Variants in LCORL observed in about 807,000 individuals in gnomAD.
LCORL encodes ligand dependent nuclear receptor corepressor like, also known as ligand-dependent nuclear receptor corepressor-like protein.
In LCORL, 41 loss-of-function variants were observed where a neutral mutation model predicts 141.8. The ratio of observed to expected loss-of-function variants is 0.29; its 90% CI spans 0.23 to 0.38. The LOEUF is 0.38. Among genes scored for constraint, LCORL ranks in the 10% least tolerant of loss-of-function variants. The pLI, the probability that LCORL is intolerant of heterozygous loss-of-function variation, is 1.00. For missense variants in LCORL, 1,759 were observed against 2,035.0 expected, an observed-to-expected ratio of 0.86 and a Z score of 2.61; for synonymous variants, 618 against 694.1, an observed-to-expected ratio of 0.89 and a Z score of 1.72.
chr4:17,841,668 A>ATTGTT (rs1401047180), exon 8 of LCORL: 1 of 151,906 alleles, frequency 6.6e-6, no homozygotes, highest in African/African-American at 2.4e-5. Flanking sequence ...ATATATTCAT[A>ATTGTT]TTGTTTTATT....
intron 2 of LCORL, among the ~76,000 whole-genome samples, chr4:17,968,258 A>G (rs1715303976): frequency 6.6e-6 from 1 of 152,084 alleles, no homozygotes; most frequent in African/African-American, 2.4e-5. Flanking sequence ...CAACTTAAAC[A>G]TACATATGTG....
chr4:17,878,809 A>G (rs565165519), intron 6 of LCORL, among the ~76,000 whole-genome samples: 35 of 151,446 alleles, frequency 2.3e-4, no homozygotes, highest in African/African-American at 8.0e-4. Context: ...GTTAAATACT[A>G]AAGTAATTTC....
At chr4:17,911,089 A>G (rs1732445419) in intron 4 of LCORL, among the ~76,000 whole-genome samples, 1 of 152,182 alleles carries the variant, frequency 6.6e-6, no homozygotes, top group Non-Finnish European at 1.5e-5. Flanking sequence ...AGACAGAAAT[A>G]ATAATAGAAC....
intron 1 of LCORL, among the ~76,000 whole-genome samples, chr4:17,996,132 T>G (rs1720887513): frequency 6.6e-6 from 1 of 152,108 alleles, no homozygotes; most frequent in South Asian, 2.1e-4. Flanking sequence ...CCAGATTTAC[T>G]CATGCCTAAG....
chr4:17,843,588 C>T (rs1229578499), exon 8 of LCORL: 1 of 643,148 alleles, frequency 1.6e-6, no homozygotes, highest in Non-Finnish European at 2.6e-6. Flanking sequence ...AGTAGAGCAG[C>T]ATCAGTTATT....
exon 8 of LCORL, chr4:17,843,401 A>G: frequency 3.7e-6 from 6 of 1,611,562 alleles, no homozygotes; most frequent in Non-Finnish European, 5.1e-6. Flanking sequence ...ACCTTGCCCA[A>G]TTTCTCAATG....
chr4:17,960,178 T>C (rs1307476866), intron 4 of LCORL: 1 of 154,242 alleles, frequency 6.5e-6, no homozygotes, highest in Non-Finnish European at 1.5e-5. Flanking sequence ...CTAAGAAGAA[T>C]CTTTAATTTA....
chr4:17,890,378 A>G (rs751434084), intron 5 of LCORL, among the ~76,000 whole-genome samples: 20 of 152,110 alleles, frequency 1.3e-4, no homozygotes, highest in Non-Finnish European at 2.2e-4. Context: ...AGATACATAA[A>G]TAGGTGGTAT....
At chr4:18,019,129 T>C (rs1375400289) in intron 1 of LCORL, among the ~76,000 whole-genome samples, 2 of 152,182 alleles carry the variant, frequency 1.3e-5, no homozygotes, top group East Asian at 3.8e-4. Flanking sequence ...AAAATAACAA[T>C]GGGATTCGAG....
chr4:17,844,768 G>A (rs2109081731), exon 8 of LCORL: 1 of 152,496 alleles, frequency 6.6e-6, no homozygotes, highest in Non-Finnish European at 1.5e-5. Context: ...TTCACACATG[G>A]CCAGGCTATC....
intron 4 of LCORL, among the ~76,000 whole-genome samples, chr4:17,950,698 AG>A (rs1739579702): frequency 6.6e-6 from 1 of 152,202 alleles, no homozygotes; most frequent in Admixed American, 6.5e-5. Context: ...AATGGACAGT[AG>A]AAATGTTGAT....
intron 1 of LCORL, among the ~76,000 whole-genome samples, chr4:18,011,367 C>T (rs1246682085): frequency 1.3e-5 from 2 of 151,636 alleles, no homozygotes; most frequent in African/African-American, 2.4e-5. Context: ...CAAACCTGCA[C>T]CAACAACAGA....
intron 1 of LCORL, among the ~76,000 whole-genome samples, chr4:17,987,279 C>G (rs560328553): frequency 5.0e-4 from 76 of 152,046 alleles, no homozygotes; most frequent in Non-Finnish European, 9.3e-4. Context: ...TATACATTTG[C>G]CTTTTCTGAT....
chr4:17,981,430 C>T (rs534344049), intron 1 of LCORL, among the ~76,000 whole-genome samples: 5 of 152,252 alleles, frequency 3.3e-5, no homozygotes, highest in South Asian at 2.1e-4. Context: ...TTCTCTATTA[C>T]TGAGTTTCAG....
chr4:17,952,928 C>T (rs1711742392), intron 4 of LCORL, among the ~76,000 whole-genome samples: 1 of 152,072 alleles, frequency 6.6e-6, no homozygotes, highest in African/African-American at 2.4e-5. Flanking sequence ...GTCTATGGTT[C>T]TCCTCTTTGT....
At chr4:18,019,954 G>A (rs914005434) in intron 1 of LCORL, among the ~76,000 whole-genome samples, 1 of 152,092 alleles carries the variant, frequency 6.6e-6, no homozygotes, top group Non-Finnish European at 1.5e-5. Flanking sequence ...AGAATACCTA[G>A]AGGTTTTTTT....
exon 7 of LCORL, chr4:17,877,659 G>A: frequency 2.4e-6 from 3 of 1,230,316 alleles, no homozygotes; most frequent in African/African-American, 1.6e-5. Flanking sequence ...TTCTATAGGT[G>A]ATAATGGTGG....
chr4:17,962,065 T>A, intron 3 of LCORL, 33 bp from the exon 4 acceptor site: 1 of 1,480,682 alleles, frequency 6.8e-7, no homozygotes, highest in South Asian at 1.3e-5. Context: ...ACATACAGAA[T>A]TATTTTTTAA....
rs567594902 is a variant in LCORL, at chr4:17,900,592, T to C, written c.682+8502A>G. Among the ~76,000 whole-genome samples, 5 of 152,168 alleles carry C rather than the reference T, an allele frequency of 3.3e-5. No homozygotes were observed. The East Asian group carries it at 9.6e-4, about 29-fold the overall frequency. ...AATTATGGGCATGCTGACAGGCATA[T>C]TTGGAAAAAGTAACAATTAACTTCT... On this transcript the variant is annotated intron_variant, in intron 5 of 7. Coordinates refer to ENST00000635767, the Ensembl canonical transcript of LCORL.
Sources: allele counts gnomAD v4.1 joint callset (sites outside exome capture counted in the v4.1 genomes callset), GRCh38; gene constraint gnomAD v4.1.1; transcripts MANE v1.5; gene names NCBI Gene and HGNC (gene_info 2026-07-23, HGNC 2026-07-21).